Variants in ECPAS observed in about 807,000 individuals in gnomAD.
The protein encoded by ECPAS is proteasome adapter and scaffold protein ECM29.
A neutral mutation model predicts 255.1 loss-of-function variants in ECPAS; 70 were observed. That is an observed-to-expected ratio of 0.27 (90% confidence interval 0.23 to 0.33). The LOEUF is 0.33. Among genes scored for constraint, ECPAS ranks in the 10% least tolerant of loss-of-function variants. The pLI is 1.00. For missense variants in ECPAS, 1,817 were observed against 2,206.4 expected, an observed-to-expected ratio of 0.82 and a Z score of 3.54; for synonymous variants, 784 against 775.0, an observed-to-expected ratio of 1.01 and a Z score of -0.19.
At chr9:111,419,879 T>C (rs1335412748) in intron 16 of ECPAS, 138 bp downstream of exon 16, 2 of 583,120 alleles carry the variant, frequency 3.4e-6, no homozygotes, top group African/African-American at 1.9e-5. Flanking sequence ...CAGGTCTATA[T>C]CACATCAAGA....
At position 111,422,078 on chromosome 9, in the gene ECPAS, G is replaced by A. The variant is rs1402859001; in HGVS notation, c.1333-35C>T. The A allele has an allele frequency of 5.0e-6, 8 of 1,613,408 alleles. No individual in the cohort carries two copies. In the South Asian group the frequency reaches 8.8e-5, roughly 18 times the overall value. On this transcript the variant is annotated intron_variant, in intron 14 of 49. Coordinates refer to ENST00000684092, the MANE Select transcript of ECPAS (RefSeq NM_001364929.1). The stretch of plus-strand genomic sequence containing the variant: ...TGATAAAAATGTTTCCCTCCTTGTT[G>A]GGTTCCCAGGGGAACATCCAAACAC...
chr9:111,363,588 C>T lies in ECPAS; in HGVS notation c.5380G>A (p.Glu1794Lys). 6.4e-7 allele frequency: 1 copy of T among 1,560,540 alleles called. No individual in the cohort carries two copies. Residue 1794 changes from glutamate (E) to lysine (K), a missense_variant and splice_region_variant, in exon 49 of 50, where the codon GAA (glutamate) becomes AAA (lysine). This residue lies in a region of ECPAS where 960 missense variants were observed against 1,179.0 expected (regional missense o/e 0.81). Coordinates refer to ENST00000684092, the MANE Select transcript of ECPAS (RefSeq NM_001364929.1). ...CCAGTCAGAACTAACAACAACTTAC[C>T]TTCAAGTTTTTTAAGCAGCAATTCT... ...VIELLLKKLE[E>K]SKQWECLTSE...
intron 2 of ECPAS, among the ~76,000 whole-genome samples, chr9:111,459,758 CTGCTTTAAAAA>C (rs2098271024): frequency 6.6e-6 from 1 of 152,130 alleles, no homozygotes; most frequent in South Asian, 2.1e-4. Context: ...ATTATAAATT[CTGCTTTAAAAA>C]ACTGGTTCAT....
chr9:111,451,585 C>T (rs1244940235), intron 2 of ECPAS, 30 bp from the exon 3 acceptor site: 6 of 1,514,506 alleles, frequency 4.0e-6, no homozygotes, highest in Middle Eastern at 1.8e-4. Context: ...AAAGAGAGAA[C>T]TTAGCAAGCC....
In ECPAS at chr9:111,390,051, C is replaced by G. The variant is rs770533832; in HGVS notation, c.3212G>C (p.Ser1071Thr). ...AAATTTATACACCAGATCTGGCTGG[C>G]TAAGATCACTTGCCAGAGAACAAAG... ...KELCSLASDL[S>T]QPDLVYKFMN... is the part of the protein sequence containing the mutation. The change falls in exon 30 of 50, where the codon AGC becomes ACC. Residue 1071 changes from serine to threonine, a missense_variant. Transcript: ENST00000684092. 6 of 1,600,574 alleles carry G rather than the reference C, an allele frequency of 3.7e-6. No homozygotes were observed. The South Asian group carries it at 6.7e-5, about 18-fold the overall frequency.
At chr9:111,465,294 C>T (rs989369675) in intron 2 of ECPAS, among the ~76,000 whole-genome samples, 19 of 152,130 alleles carry the variant, frequency 1.2e-4, no homozygotes, top group Admixed American at 8.5e-4. Context: ...AATCCCAGCA[C>T]TTTGGGAGGC....
In ECPAS at chr9:111,369,106, A is replaced by T. The variant is rs771080443; in HGVS notation, c.5042T>A (p.Leu1681His). 8.7e-6 allele frequency: 14 copies of T among 1,607,566 alleles called. No homozygotes were observed. The highest frequency in any genetic ancestry group is 1.7e-5 in the Admixed American group (1 of 58,816). The part of the protein sequence containing the change: ...NEEENEKEKE[L>H]QLEYLLGAFE... ...GGCACCCAGCAGATATTCCAGCTGG[A>T]GCTCCTTTTCCTTTTCATTCTCCTC... The change falls in exon 46 of 50, where the codon CTC becomes CAC. Residue 1681 changes from leucine to histidine, a missense_variant. This residue lies in a region of ECPAS where 960 missense variants were observed against 1,179.0 expected (regional missense o/e 0.81). Transcript: ENST00000684092.
At chr9:111,440,838 A>C (rs1374653093) in intron 5 of ECPAS, among the ~76,000 whole-genome samples, 1 of 152,254 alleles carries the variant, frequency 6.6e-6, no homozygotes, top group Non-Finnish European at 1.5e-5. Flanking sequence ...TGAAACCTTA[A>C]GTAAAGTTCA....
At chr9:111,385,518 G>A (rs1288008507) in intron 32 of ECPAS, 76 bp from the exon 33 acceptor site, 1 of 842,704 alleles carries the variant, frequency 1.2e-6, no homozygotes, top group East Asian at 2.7e-5. Flanking sequence ...TACTAAAAAA[G>A]AATACAGATT....
intron 12 of ECPAS, among the ~76,000 whole-genome samples, chr9:111,425,087 T>C (rs925686067): frequency 2.2e-4 from 33 of 151,680 alleles, no homozygotes; most frequent in African/African-American, 8.0e-4. Flanking sequence ...CTCGGGAGGC[T>C]GAGGCAAGAG....
intron 2 of ECPAS, among the ~76,000 whole-genome samples, chr9:111,468,953 T>C (rs1181476960): frequency 6.6e-6 from 1 of 152,134 alleles, no homozygotes; most frequent in Non-Finnish European, 1.5e-5. Context: ...TCCTGTGAAT[T>C]ATAAATCTAA....
intron 18 of ECPAS, 53 bp downstream of exon 18, chr9:111,416,219 T>G: frequency 7.5e-7 from 1 of 1,334,352 alleles, no homozygotes; most frequent in Non-Finnish European, 1.1e-6. Flanking sequence ...GGGTGTGGTG[T>G]GATCTTTTTA....
intron 15 of ECPAS, 56 bp from the exon 16 acceptor site, chr9:111,420,176 ATCAATTACCAGCCAT>A (rs2098211242): frequency 8.7e-7 from 1 of 1,149,828 alleles, no homozygotes; most frequent in East Asian, 2.4e-5. Flanking sequence ...GAAAAAAAAA[ATCAATTACCAGCCAT>A]TCATTCCAAT....
intron 31 of ECPAS, among the ~76,000 whole-genome samples, chr9:111,386,961 A>G (rs2098149866): frequency 6.6e-6 from 1 of 152,236 alleles, no homozygotes; most frequent in East Asian, 1.9e-4. Flanking sequence ...AAATCATACA[A>G]TAACTGTACT....
chr9:111,481,453 C>T (rs1049449326), intron 1 of ECPAS, among the ~76,000 whole-genome samples: 1 of 151,788 alleles, frequency 6.6e-6, no homozygotes, highest in Admixed American at 6.6e-5. Flanking sequence ...TTACAGTGAG[C>T]GGAGATCGCG....
intron 2 of ECPAS, among the ~76,000 whole-genome samples, chr9:111,465,004 A>G (rs1194867163): frequency 6.8e-6 from 1 of 146,268 alleles, no homozygotes. Flanking sequence ...ACCAAAATGG[A>G]GAAACCCCGT....
chr9:111,481,820 C>T (rs912203338), intron 1 of ECPAS, among the ~76,000 whole-genome samples: 7 of 152,170 alleles, frequency 4.6e-5, no homozygotes, highest in African/African-American at 1.7e-4. Flanking sequence ...ACCTTGAGGA[C>T]ATTATGCTAA....
chr9:111,411,478 C>T (rs942108555), intron 21 of ECPAS, among the ~76,000 whole-genome samples: 1 of 152,164 alleles, frequency 6.6e-6, no homozygotes, highest in Non-Finnish European at 1.5e-5. Context: ...ACTTATGTAA[C>T]TAGAATATCA....
intron 43 of ECPAS, among the ~76,000 whole-genome samples, chr9:111,371,278 T>C (rs2098126955): frequency 6.6e-6 from 1 of 152,202 alleles, no homozygotes; most frequent in Non-Finnish European, 1.5e-5. Flanking sequence ...CTATTTCACA[T>C]ATGCCCAATC....
Sources: gnomAD v4.1 joint callset for allele counts (sites outside exome capture counted in the v4.1 genomes callset) on GRCh38, gnomAD v4.1.1 for gene constraint, gnomAD v4.1.1 regional missense constraint, MANE v1.5 for transcripts, NCBI Gene and HGNC (gene_info 2026-07-23, HGNC 2026-07-21) for gene names.